The following ZMYND15 variants were observed in gnomAD, a reference collection of about 807,000 sequenced individuals.
ZMYND15 encodes zinc finger MYND domain-containing protein 15.
In ZMYND15, 54 loss-of-function variants were observed where a neutral mutation model predicts 81.7. The observed-to-expected ratio is 0.66, with a 90% CI of 0.53 to 0.83. The LOEUF (loss-of-function observed/expected upper bound fraction) is 0.83, where lower values mean the gene tolerates loss of function less well. Ranked by LOEUF, ZMYND15 falls within the 40% of genes least tolerant of loss-of-function variation. The pLI, the probability that ZMYND15 is intolerant of heterozygous loss-of-function variation, is 0.00. For missense variants in ZMYND15, 925 were observed against 973.5 expected, an observed-to-expected ratio of 0.95 and a Z score of 0.66; for synonymous variants, 399 against 387.0, an observed-to-expected ratio of 1.03 and a Z score of -0.36.
chr17:4,745,111 G>A lies in ZMYND15; in HGVS notation c.1897-104G>A, dbSNP rs1276853597. 3.8e-6 allele frequency: 6 copies of A among 1,589,024 alleles called. No individual in the cohort carries two copies. Among genetic ancestry groups the A allele is most frequent in the East Asian group, 2.2e-5 (1 of 44,718 alleles). Reference sequence around the variant, plus strand: ...CTCCGTCCTCCCCCTGCTCCCCTCCGCCCGGTCTGTCCGGGGACCTCGGCT... The same window carrying A: ...CTCCGTCCTCCCCCTGCTCCCCTCCACCCGGTCTGTCCGGGGACCTCGGCT... On this transcript the variant is annotated intron_variant, in intron 12 of 13. Transcript: ENST00000433935. The surrounding 1 kb of genome is among the most constrained non-coding windows in gnomAD (Gnocchi z 5.2).
rs747345496 is a variant in ZMYND15, at chr17:4,741,853, G to A, written c.827+37G>A. The stretch of plus-strand genomic sequence containing the variant: ...TGGTATCTGAGGCTGGGGAGGACTC[G>A]GGCCCTGGATTCCCAAGCACCTCCT... On this transcript the variant is annotated intron_variant, in intron 3 of 13. Transcript: ENST00000433935. 96 of 1,585,682 alleles carry A rather than the reference G, an allele frequency of 6.1e-5. 2 individuals carry two copies. The South Asian group carries it at 9.3e-4, about 15-fold the overall frequency.
rs776076464 is a variant in ZMYND15, at chr17:4,743,285, C to T, written c.1145-18C>T. 1 of 1,604,656 alleles carries T rather than the reference C, an allele frequency of 6.2e-7. No individual in the cohort carries two copies. Among genetic ancestry groups the T allele is most frequent in the South Asian group, 1.1e-5 (1 of 89,924 alleles). ...GTTCTAGCCCAGCACCTCAACTCCT[C>T]CCCTTCTCCTTCTCCAGAGGTGACC... On this transcript the variant is annotated intron_variant, in intron 5 of 13. Coordinates refer to ENST00000433935, the MANE Select transcript of ZMYND15 (RefSeq NM_001136046.3). The surrounding 1 kb of genome is among the most constrained non-coding windows in gnomAD (Gnocchi z 4.3).
chr17:4,740,838 T>C lies in ZMYND15; in HGVS notation c.290T>C (p.Leu97Pro). 6.3e-7 allele frequency: 1 copy of C among 1,579,400 alleles called. No individual in the cohort carries two copies. Among genetic ancestry groups the C allele is most frequent in the Non-Finnish European group, 8.6e-7 (1 of 1,159,734 alleles). The change falls in exon 2 of 14, where the codon CTG (leucine) becomes CCG (proline). Residue 97 changes from leucine to proline, a missense_variant. Transcript: ENST00000433935. ...WLLGDNPPLH[L>P]RDLSPYISFV... is the part of the protein sequence containing the mutation. ...CTGGGAGACAACCCTCCACTCCACC[T>C]GCGAGACCTGAGCCCCTACATCAGC...
At position 4,740,874 on chromosome 17, in the gene ZMYND15, T is replaced by C. The variant is rs746406704; in HGVS notation, c.326T>C (p.Leu109Pro). Residue 109 changes from leucine to proline, a missense_variant, in exon 2 of 14, where the codon CTA (leucine) becomes CCA (proline). Transcript: ENST00000433935. ...DLSPYISFVS[L>P]EDGEEGEEEE... ...AGCCCCTACATCAGCTTTGTCAGCCTAGAGGATGGGGAGGAAGGGGAGGAG... is the reference window on the plus strand; with the variant it reads ...AGCCCCTACATCAGCTTTGTCAGCCCAGAGGATGGGGAGGAAGGGGAGGAG... 3 of 1,576,528 alleles carry C rather than the reference T, an allele frequency of 1.9e-6. No individual in the cohort carries two copies. The Admixed American group carries it at 5.4e-5, about 28-fold the overall frequency.
chr17:4,739,865 G>A lies in ZMYND15; in HGVS notation c.-216G>A, dbSNP rs1916300379. The A allele has an allele frequency of 4.1e-6, 4 of 986,392 alleles. No homozygotes were observed. Among genetic ancestry groups the A allele is most frequent in the Non-Finnish European group, 4.8e-6 (4 of 830,650 alleles). 61.1% of individuals were successfully genotyped at this position (986,392 alleles called of 1,614,324 possible). A position where few individuals can be genotyped will look rare whatever the true frequency, so the allele number is the denominator to read the frequency against. On this transcript the variant is annotated 5_prime_UTR_variant, in exon 1 of 14. In the 5' UTR this introduces an upstream ATG that the reference lacks. Transcript: ENST00000433935. This position sits in a 1 kb window ranked among gnomAD's most constrained non-coding sequence, Gnocchi z 5.3. ...CTGCATGAGCCTCCCGGGCGGCCCG[G>A]TGGAGAGAGTCGCCGCCAGCCCCGG...
Position 4,743,470 on chromosome 17 carries a change from TC to T in ZMYND15, c.1297+17del. The T allele has an allele frequency of 6.2e-7, 1 of 1,612,950 alleles. No homozygotes were observed. The highest frequency in any genetic ancestry group is 8.5e-7 in the Non-Finnish European group (1 of 1,179,720). ...TCTTCGCGGTGGTGCGTGGGGTCTC[TC>T]CAGGCATGGGCCCCTTGGCCTAGAG... is the stretch of plus-strand genomic sequence containing the variant. On this transcript the variant is annotated intron_variant, in intron 6 of 13. Transcript: ENST00000433935. This position sits in a 1 kb window ranked among gnomAD's most constrained non-coding sequence, Gnocchi z 4.3.
chr17:4,743,776 A>G lies in ZMYND15; in HGVS notation c.1307A>G (p.Tyr436Cys). 3.1e-6 allele frequency: 5 copies of G among 1,613,754 alleles called. No homozygotes were observed. In the East Asian group the frequency reaches 1.1e-4, roughly 36 times the overall value. Residue 436 changes from tyrosine to cysteine, a missense_variant, in exon 7 of 14, where the codon TAC becomes TGC. Physicochemically the swap from Tyr to Cys is radical, Grantham distance 194. Transcript: ENST00000433935. This position sits in a 1 kb window ranked among gnomAD's most constrained non-coding sequence, Gnocchi z 4.3. ...TCTTTCATCCTCTCAGGAGACCCCT[A>G]CCAGCTTCTCCAGGGAGACGGGACT... Reference protein sequence around the residue: ...SLSLLRGGDPYQLLQGDGTAL... With the variant: ...SLSLLRGGDPCQLLQGDGTAL...
chr17:4,745,375 G>A lies in ZMYND15; in HGVS notation c.2057G>A (p.Trp686Ter). ...RLRAADNCMS[W>*]YCNAFIFHLV... ...AGAGCGGCCGACAACTGCATGTCCT[G>A]GTAAGGGTCTGCGACCCTATTTCCT... Residue 686 changes from tryptophan (W) to a stop codon, truncating the protein, a stop_gained and splice_region_variant, in exon 13 of 14, where the codon TGG becomes TAG. Coordinates refer to ENST00000433935, the MANE Select transcript of ZMYND15 (RefSeq NM_001136046.3). LOFTEE classifies it high-confidence loss of function. The surrounding 1 kb of genome is among the most constrained non-coding windows in gnomAD (Gnocchi z 5.2). 1 of 1,596,734 alleles carries A rather than the reference G, an allele frequency of 6.3e-7. No individual in the cohort carries two copies. The highest frequency in any genetic ancestry group is 8.5e-7 in the Non-Finnish European group (1 of 1,172,702).
chr17:4,739,976 G>GC lies in ZMYND15; in HGVS notation c.-102dup. The GC allele has an allele frequency of 1.0e-6, 1 of 985,328 alleles. No homozygotes were observed. Among genetic ancestry groups the GC allele is most frequent in the East Asian group, 1.1e-4 (1 of 8,794 alleles). 61.0% of individuals were successfully genotyped at this position (985,328 alleles called of 1,614,324 possible). A position where few individuals can be genotyped will look rare whatever the true frequency, so the allele number is the denominator to read the frequency against. ...CGCTGAGCCGGCGAGGGCTCGGGCA[G>GC]CCCTGACGTCACAACCGCACCCGCG... On this transcript the variant is annotated 5_prime_UTR_variant, in exon 1 of 14. It introduces an in-frame stop codon into an upstream open reading frame of the 5' UTR. Transcript: ENST00000433935. The surrounding 1 kb of genome is among the most constrained non-coding windows in gnomAD (Gnocchi z 5.3).
chr17:4,742,443 A>C lies in ZMYND15; in HGVS notation c.1096A>C (p.Met366Leu). 1 of 1,614,192 alleles carries C rather than the reference A, an allele frequency of 6.2e-7. No individual in the cohort carries two copies. The highest frequency in any genetic ancestry group is 8.5e-7 in the Non-Finnish European group (1 of 1,180,038). Residue 366 changes from methionine (M) to leucine (L), a missense_variant, in exon 5 of 14, where the codon ATG (methionine) becomes CTG (leucine). Physicochemically the swap from Met to Leu is conservative, Grantham distance 15 (BLOSUM62 2). Coordinates refer to ENST00000433935, the MANE Select transcript of ZMYND15 (RefSeq NM_001136046.3). The stretch of plus-strand genomic sequence containing the variant: ...TTGGTGCCCAAGGCTTGCAGCCTTC[A>C]TGGAGCGGGCAGGAGAACTGGCAAC... Reference protein sequence around the residue: ...RFWCPRLAAFMERAGELATLP... With the variant: ...RFWCPRLAAFLERAGELATLP...
chr17:4,740,281 C>A, intron 1 of ZMYND15: 1 of 683,730 alleles, frequency 1.5e-6, no homozygotes, highest in Non-Finnish European at 2.0e-6. Flanking sequence ...GCCCCAAATA[C>A]CATCTCATCC....
chr17:4,741,008 T>C lies in ZMYND15; in HGVS notation c.460T>C (p.Ser154Pro). 6.4e-7 allele frequency: 1 copy of C among 1,552,514 alleles called. No homozygotes were observed. The highest frequency in any genetic ancestry group is 2.0e-5 in the Admixed American group (1 of 50,960). The change falls in exon 2 of 14, where the codon TCC becomes CCC. Residue 154 changes from serine to proline, a missense_variant. Coordinates refer to ENST00000433935, the MANE Select transcript of ZMYND15 (RefSeq NM_001136046.3). ...GGAGCTAGCCCCTACCAGCAGGGAG[T>C]CCCCCCAGGAAACAAACCCTCCAGG... The part of the protein sequence containing the change: ...DRELAPTSRE[S>P]PQETNPPGES...
In ZMYND15 at chr17:4,744,806, A is replaced by C; in HGVS notation, c.1837+28A>C. On this transcript the variant is annotated intron_variant, in intron 11 of 13. Transcript: ENST00000433935. This position sits in a 1 kb window ranked among gnomAD's most constrained non-coding sequence, Gnocchi z 4.1. ...AAAAGCCTGGGTCTCAGGGTTAGGC[A>C]TGTGGGGAAGGTGGGAGAGAAGCCC... 6.2e-7 allele frequency: 1 copy of C among 1,614,132 alleles called. No individual in the cohort carries two copies. The highest frequency in any genetic ancestry group is 8.5e-7 in the Non-Finnish European group (1 of 1,180,008).
rs1426183180 is a variant in ZMYND15, at chr17:4,743,229, ACT to A, written c.1145-71_1145-70del. 8 of 1,419,946 alleles carry A rather than the reference ACT, an allele frequency of 5.6e-6. No individual in the cohort carries two copies. The East Asian group carries it at 6.9e-5, about 12-fold the overall frequency. The allele number at this position is 1,419,946 out of a possible 1,614,324, so 88.0% of individuals were successfully genotyped here. On this transcript the variant is annotated intron_variant, in intron 5 of 13. Transcript: ENST00000433935. The surrounding 1 kb of genome is among the most constrained non-coding windows in gnomAD (Gnocchi z 4.3). ...ACTCTAGCTTGGGTGATAGAGCAAG[ACT>A]CTGTCTCAAAAAAAAAAAAATGTCT...
In ZMYND15 at chr17:4,744,900, C is replaced by A; in HGVS notation, c.1868C>A (p.Thr623Lys). ...AACTCCGGGTTTGCTCTCAAGGATACGTGGCTGAGGTCTCTGCCCCGGTTA... is the reference window on the plus strand; with the variant it reads ...AACTCCGGGTTTGCTCTCAAGGATAAGTGGCTGAGGTCTCTGCCCCGGTTA... ...GFNSGFALKD[T>K]WLRSLPRLQS... is the part of the protein sequence containing the mutation. Residue 623 changes from threonine to lysine, a missense_variant, in exon 12 of 14, where the codon ACG becomes AAG. Thr to Lys is a moderately conservative substitution (Grantham distance 78, BLOSUM62 -1). Transcript: ENST00000433935. The surrounding 1 kb of genome is among the most constrained non-coding windows in gnomAD (Gnocchi z 4.1). 6.2e-7 allele frequency: 1 copy of A among 1,614,120 alleles called. No homozygotes were observed. The highest frequency in any genetic ancestry group is 1.1e-5 in the South Asian group (1 of 91,082).
chr17:4,744,532 G>A lies in ZMYND15; in HGVS notation c.1683+65G>A. 6.2e-7 allele frequency: 1 copy of A among 1,605,512 alleles called. No homozygotes were observed. On this transcript the variant is annotated intron_variant, in intron 10 of 13. Transcript: ENST00000433935. This position sits in a 1 kb window ranked among gnomAD's most constrained non-coding sequence, Gnocchi z 4.1. ...TCCAGTGACCTCCTGGTTGGGTCCT[G>A]CCCTTCTGCCCCCCACTCCCCATCT...
At chr17:4,742,184 C>G in intron 4 of ZMYND15, 114 bp downstream of exon 4, 3 of 1,543,894 alleles carry the variant, frequency 1.9e-6, no homozygotes, top group South Asian at 2.4e-5. Flanking sequence ...TGAGAAGATG[C>G]AGAGGAAACA....
Position 4,743,307 on chromosome 17 carries a change from G to A in ZMYND15, c.1149G>A (p.Val383=), listed in dbSNP as rs1916511113. The part of the protein sequence containing the change: ...ATLPFTYTAE[V]TSETFNKEAF... The stretch of plus-strand genomic sequence containing the variant: ...CCTCCCCTTCTCCTTCTCCAGAGGT[G>A]ACCAGTGAAACCTTCAACAAAGAGG... Residue 383 remains valine, a synonymous_variant, in exon 6 of 14, where the codon GTG becomes GTA. Coordinates refer to ENST00000433935, the MANE Select transcript of ZMYND15 (RefSeq NM_001136046.3). This position sits in a 1 kb window ranked among gnomAD's most constrained non-coding sequence, Gnocchi z 4.3. 6.2e-7 allele frequency: 1 copy of A among 1,613,118 alleles called. No homozygotes were observed. Among genetic ancestry groups the A allele is most frequent in the Non-Finnish European group, 8.5e-7 (1 of 1,179,610 alleles).
intron 5 of ZMYND15, 43 bp downstream of exon 5, chr17:4,742,534 G>A: frequency 6.2e-7 from 1 of 1,602,246 alleles, no homozygotes. Context: ...ACTGGGACCA[G>A]GTCTTTGAGA....
Sources: allele counts gnomAD v4.1 joint callset, GRCh38; gene constraint gnomAD v4.1.1; non-coding constraint Gnocchi (gnomAD v3.1); transcripts MANE v1.5; gene names NCBI Gene and HGNC (gene_info 2026-07-23, HGNC 2026-07-21).